The following SSU72L1 variants were observed in gnomAD, a reference collection of about 807,000 sequenced individuals.
SSU72L1 encodes the protein SSU72 like 1.
chr11:4,338,330 G>A, the SSU72L1 span, among the ~76,000 whole-genome samples: 109 of 148,434 alleles, frequency 7.3e-4, no homozygotes, highest in African/African-American at 2.7e-3. Flanking sequence ...CATTTTTCCA[G>A]CAGTCCATTA....
chr11:4,338,547 A>T, the SSU72L1 span: 1 of 423,458 alleles, frequency 2.4e-6, no homozygotes, highest in African/African-American at 2.3e-5. Context: ...GTACAAAAGT[A>T]ACACAAACAG....
At chr11:4,338,835 A>G in the SSU72L1 span, 3 of 755,406 alleles carry the variant, frequency 4.0e-6, no homozygotes, top group Non-Finnish European at 7.3e-6. Flanking sequence ...TTCCATGTTG[A>G]TCACGTGCAC....
the SSU72L1 span, among the ~76,000 whole-genome samples, chr11:4,338,279 C>G: frequency 6.7e-6 from 1 of 149,892 alleles, no homozygotes; most frequent in African/African-American, 2.5e-5. Context: ...AGGTGCTTAT[C>G]TATACAATGT....
the SSU72L1 span, chr11:4,339,170 GA>G: frequency 3.4e-6 from 2 of 593,352 alleles, no homozygotes. Flanking sequence ...TTCTCCTGAG[GA>G]TGCTGTGGGC....
Sources: gnomAD v4.1 joint callset for allele counts (sites outside exome capture counted in the v4.1 genomes callset) on GRCh38, gnomAD v4.1.1 for gene constraint, MANE v1.5 for transcripts, NCBI Gene and HGNC (gene_info 2026-07-23, HGNC 2026-07-21) for gene names.